The following C1orf87 variants were observed in gnomAD, a reference collection of about 807,000 sequenced individuals.
C1orf87 encodes chromosome 1 open reading frame 87.
A neutral mutation model predicts 60.5 loss-of-function variants in C1orf87; 58 were observed. That is an observed-to-expected ratio of 0.96 (90% confidence interval 0.78 to 1.19). The LOEUF is 1.19. C1orf87 is among the 50% of genes most tolerant of loss of function. The probability of loss-of-function intolerance (pLI) is 0.00; values close to 1 mark genes in which losing one functional copy is unlikely to be tolerated. For synonymous variants in C1orf87, 236 were observed against 227.4 expected (o/e 1.04, Z -0.34); for missense variants, 673 against 638.6 (o/e 1.05, Z -0.58).
chr1:60,021,286 C>T lies in C1orf87; in HGVS notation c.1127+4115G>A, dbSNP rs377502565. ...AGAACTAGGCTAGATGTTGGAAATA[C>T]AGTGTGAGGAAAATAGTCATGCCCC... is the stretch of plus-strand genomic sequence containing the variant. On this transcript the variant is annotated intron_variant, in intron 8 of 11. Coordinates refer to ENST00000371201, the MANE Select transcript of C1orf87 (RefSeq NM_152377.3). Among the ~76,000 whole-genome samples the T allele has an allele frequency of 3.2e-4, 48 of 152,308 alleles. 1 individual carries two copies. The South Asian group carries it at 9.5e-3, about 30-fold the overall frequency.
chr1:60,003,450 AC>A (rs1432575745), intron 9 of C1orf87, among the ~76,000 whole-genome samples: 1 of 152,106 alleles, frequency 6.6e-6, no homozygotes, highest in African/African-American at 2.4e-5. Context: ...GTGCACATGT[AC>A]CCTAAAACTT....
At chr1:60,073,354 G>A (rs189213639) in intron 1 of C1orf87, among the ~76,000 whole-genome samples, 12 of 152,308 alleles carry the variant, frequency 7.9e-5, no homozygotes, top group African/African-American at 2.9e-4. Flanking sequence ...CCACCCAGAG[G>A]CTGAAAGGCC....
At chr1:60,053,569 G>T (rs999313402) in intron 3 of C1orf87, among the ~76,000 whole-genome samples, 11 of 136,280 alleles carry the variant, frequency 8.1e-5, no homozygotes, top group Non-Finnish European at 1.5e-4. Flanking sequence ...TTCATGCCAA[G>T]GGGAGAATTT....
chr1:60,050,128 T>G lies in C1orf87; in HGVS notation c.342+5076A>C, dbSNP rs769160805. On this transcript the variant is annotated intron_variant, in intron 3 of 11. Coordinates refer to ENST00000371201, the MANE Select transcript of C1orf87 (RefSeq NM_152377.3). ...ATTCCAAATTAACTTGCTAATCAATTTGGCTAGTTGTAAAACAAAACAAAA... is the reference window on the plus strand; with the variant it reads ...ATTCCAAATTAACTTGCTAATCAATGTGGCTAGTTGTAAAACAAAACAAAA... Among the ~76,000 whole-genome samples the G allele has an allele frequency of 7.9e-5, 12 of 152,218 alleles. No individual in the cohort carries two copies. In the East Asian group the frequency reaches 2.3e-3, roughly 29 times the overall value.
At chr1:60,026,746 A>G (rs934119309) in intron 7 of C1orf87, among the ~76,000 whole-genome samples, 6 of 152,232 alleles carry the variant, frequency 3.9e-5, no homozygotes, top group African/African-American at 1.4e-4. Flanking sequence ...TAGTCCAAAC[A>G]TAACTACAGT....
At chr1:60,042,852 G>C (rs529939854) in intron 3 of C1orf87, among the ~76,000 whole-genome samples, 2 of 152,190 alleles carry the variant, frequency 1.3e-5, no homozygotes, top group Non-Finnish European at 2.9e-5. Flanking sequence ...CTGATGGTGG[G>C]AGGCATAGCA....
rs745339484 is a variant in C1orf87 at position 60,055,487 on chromosome 1, T to TAC, written c.108-51_108-50dup. On this transcript the variant is annotated intron_variant, in intron 2 of 11. Transcript: ENST00000371201. ...TTGTTACTTACAGGCAGACTCCTCA[T>TAC]ACACTAGGCTGGCATAAGAACAGAA... 2.0e-6 allele frequency: 3 copies of TAC among 1,506,028 alleles called. No homozygotes were observed. The East Asian group carries it at 6.8e-5, about 34-fold the overall frequency. The allele number at this position is 1,506,028 out of a possible 1,614,324, so 93.3% of individuals were successfully genotyped here. A position where few individuals can be genotyped will look rare whatever the true frequency, so the allele number is the denominator to read the frequency against.
At chr1:60,073,229 A>C (rs996383779) in intron 1 of C1orf87, among the ~76,000 whole-genome samples, 2 of 152,170 alleles carry the variant, frequency 1.3e-5, no homozygotes, top group African/African-American at 2.4e-5. Flanking sequence ...CTCTTTCTAC[A>C]ACAATACAAT....
In C1orf87 at chr1:60,040,075, T is replaced by G; in HGVS notation, c.589A>C (p.Lys197Gln). 1 of 1,614,208 alleles carries G rather than the reference T, an allele frequency of 6.2e-7. No homozygotes were observed. The highest frequency in any genetic ancestry group is 1.1e-5 in the South Asian group (1 of 91,080). ...SRPLSSNLLE[K>Q]LQKELKILDP... The stretch of plus-strand genomic sequence containing the variant: ...AGGATCTTCAGCTCTTTCTGAAGCT[T>G]TTCTAATAAGTTGGAACTCAAAGGA... Residue 197 changes from lysine to glutamine, a missense_variant, in exon 5 of 12, where the codon AAG (lysine) becomes CAG (glutamine). Lys to Gln is a moderately conservative substitution (Grantham distance 53). Transcript: ENST00000371201.
chr1:60,028,941 C>T (rs1645217965), intron 7 of C1orf87, among the ~76,000 whole-genome samples: 1 of 152,056 alleles, frequency 6.6e-6, no homozygotes, highest in African/African-American at 2.4e-5. Context: ...TCTCCTCAGC[C>T]TTCTTCCATT....
chr1:59,997,058 G>A (rs1644968087), intron 11 of C1orf87, among the ~76,000 whole-genome samples: 2 of 152,228 alleles, frequency 1.3e-5, no homozygotes, highest in South Asian at 4.1e-4. Context: ...TTTAGGTATT[G>A]ATTAGCCAGG....
At chr1:60,049,533 C>T (rs914828065) in intron 3 of C1orf87, among the ~76,000 whole-genome samples, 2 of 152,020 alleles carry the variant, frequency 1.3e-5, no homozygotes, top group Admixed American at 6.6e-5. Flanking sequence ...GATTTTCCTC[C>T]TACTTTGTCA....
At chr1:60,065,025 A>T (rs1446858447) in intron 2 of C1orf87, among the ~76,000 whole-genome samples, 1 of 91,742 alleles carries the variant, frequency 1.1e-5, no homozygotes, top group African/African-American at 3.5e-5. Context: ...AAATATATAT[A>T]TTTAATATAT....
At chr1:60,007,762 A>G (rs1645056498) in intron 9 of C1orf87, among the ~76,000 whole-genome samples, 1 of 152,036 alleles carries the variant, frequency 6.6e-6, no homozygotes, top group South Asian at 2.1e-4. Flanking sequence ...TTATGTGAAA[A>G]TTATATGTAC....
chr1:60,073,477 G>C (rs774740877), intron 1 of C1orf87, among the ~76,000 whole-genome samples: 1 of 152,166 alleles, frequency 6.6e-6, no homozygotes, highest in Non-Finnish European at 1.5e-5. Flanking sequence ...ACTGTTTCCA[G>C]TACTTGGGTC....
rs368479905 is a variant in C1orf87 at position 60,055,236 on chromosome 1, C to A, written c.310G>T (p.Gly104Trp). The A allele has an allele frequency of 1.2e-6, 2 of 1,614,044 alleles. No homozygotes were observed. The highest frequency in any genetic ancestry group is 1.7e-6 in the Non-Finnish European group (2 of 1,179,972). The change falls in exon 3 of 12, where the codon GGG becomes TGG. Residue 104 changes from glycine to tryptophan, a missense_variant. Physicochemically the swap from Gly to Trp is radical, Grantham distance 184 (BLOSUM62 -2). Transcript: ENST00000371201. ...TCCAGGAATCTGCTACTGTTTGCCC[C>A]TGTTAGTAGTTTCTGGTTGTTTTCT... ...KSENNQKLLTGANSSRFLDGN... is the reference protein window; with the variant it reads ...KSENNQKLLTWANSSRFLDGN...
intron 6 of C1orf87, among the ~76,000 whole-genome samples, chr1:60,036,223 T>C (rs1298131965): frequency 6.6e-6 from 1 of 152,180 alleles, no homozygotes; most frequent in Admixed American, 6.5e-5. Flanking sequence ...GAATTCACTG[T>C]GCCCAGCAAA....
chr1:60,068,211 AC>A (rs972467179), intron 2 of C1orf87, among the ~76,000 whole-genome samples: 1 of 152,028 alleles, frequency 6.6e-6, no homozygotes, highest in African/African-American at 2.4e-5. Flanking sequence ...CTGTCTGAAT[AC>A]CCTTGACTCA....
In C1orf87 at chr1:59,991,340, T is replaced by C. The variant is rs928278640; in HGVS notation, c.1481-507A>G. 2.0e-5 allele frequency among the ~76,000 whole-genome samples: 3 copies of C among 152,160 alleles called. No individual in the cohort carries two copies. The East Asian group carries it at 5.8e-4, about 29-fold the overall frequency. On this transcript the variant is annotated intron_variant, in intron 11 of 11. Coordinates refer to ENST00000371201, the MANE Select transcript of C1orf87 (RefSeq NM_152377.3). ...TCCATAATATTCCCCTCCCCAACAG[T>C]GATACCTACACCCATGGATGCTCAA...
Sources: gnomAD v4.1 joint callset for allele counts (sites outside exome capture counted in the v4.1 genomes callset) on GRCh38, gnomAD v4.1.1 for gene constraint, MANE v1.5 for transcripts, NCBI Gene and HGNC (gene_info 2026-07-23, HGNC 2026-07-21) for gene names.